The following KIF26B variants were observed in gnomAD, a reference collection of about 807,000 sequenced individuals.
KIF26B encodes the protein kinesin family member 26B.
A neutral mutation model predicts 151.2 loss-of-function variants in KIF26B; 63 were observed. The observed-to-expected ratio is 0.42, with a 90% confidence interval of 0.34 to 0.51. The LOEUF (loss-of-function observed/expected upper bound fraction) is 0.51, where lower values mean the gene tolerates loss of function less well. KIF26B is among the 20% of genes least tolerant of loss of function. The pLI, the probability that KIF26B is intolerant of heterozygous loss-of-function variation, is 0.07. For synonymous variants in KIF26B, 1,357 were observed against 1,262.1 expected, an observed-to-expected ratio of 1.08 and a Z score of -1.59; for missense variants, 2,813 against 2,913.6, an observed-to-expected ratio of 0.97 and a Z score of 0.79.
At chr1:245,387,819 T>C (rs564870880) in intron 3 of KIF26B, among the ~76,000 whole-genome samples, 53 of 152,268 alleles carry the variant, frequency 3.5e-4, no homozygotes, top group African/African-American at 9.9e-4. Context: ...TGTAGACTCA[T>C]GGAGTTTGGG....
intron 4 of KIF26B, among the ~76,000 whole-genome samples, chr1:245,435,207 T>C (rs1255735320): frequency 6.6e-6 from 1 of 151,976 alleles, no homozygotes; most frequent in East Asian, 1.9e-4. Context: ...TTTGGTAAGC[T>C]CATGCTGTAT....
chr1:245,631,398 C>G (rs969109152), intron 9 of KIF26B, among the ~76,000 whole-genome samples: 1 of 151,854 alleles, frequency 6.6e-6, no homozygotes, highest in African/African-American at 2.4e-5. Flanking sequence ...TTGTTTTAGT[C>G]TCTCATATGT....
chr1:245,556,325 C>G (rs1662032751), intron 5 of KIF26B, among the ~76,000 whole-genome samples: 2 of 118,206 alleles, frequency 1.7e-5, no homozygotes, highest in Admixed American at 1.6e-4. Context: ...TCTTCTTCTT[C>G]CTCCTTCTTC....
In KIF26B at chr1:245,579,312, G is replaced by GA. The variant is rs944212443; in HGVS notation, c.1351-23256dup. 4.4e-4 allele frequency among the ~76,000 whole-genome samples: 67 copies of GA among 150,672 alleles called. 1 individual carries two copies. The highest frequency in any genetic ancestry group is 9.7e-4 in the East Asian group (5 of 5,146). ...TATCCCTACAGTTGAAATTTTCTAG[G>GA]AAAAAAAAATAGCAACAAATTAAGT... On this transcript the variant is annotated intron_variant, in intron 5 of 14. Coordinates refer to ENST00000407071, the MANE Select transcript of KIF26B (RefSeq NM_018012.4).
intron 4 of KIF26B, among the ~76,000 whole-genome samples, chr1:245,513,147 C>A (rs1308352945): frequency 6.6e-6 from 1 of 151,532 alleles, no homozygotes; most frequent in Non-Finnish European, 1.5e-5. Context: ...CTCCTCCACA[C>A]CCTCCTCCAC....
intron 4 of KIF26B, among the ~76,000 whole-genome samples, chr1:245,507,280 G>A (rs990112267): frequency 6.6e-6 from 1 of 152,170 alleles, no homozygotes; most frequent in South Asian, 2.1e-4. Context: ...CACTCAGGTG[G>A]AGCTGGGCAT....
intron 3 of KIF26B, among the ~76,000 whole-genome samples, chr1:245,394,684 C>CTTTTTTTTTTTTTTTTT (rs1444711983): frequency 1.6e-5 from 2 of 124,400 alleles, no homozygotes; most frequent in Non-Finnish European, 1.5e-5. Flanking sequence ...AAGTTTTTTT[C>CTTTTTTTTTTTTTTTTT]TTTCTTTTTT....
intron 3 of KIF26B, among the ~76,000 whole-genome samples, chr1:245,404,040 C>A (rs1359740016): frequency 6.6e-6 from 1 of 152,154 alleles, no homozygotes; most frequent in South Asian, 2.1e-4. Context: ...CATTGCCCTA[C>A]ACACATGGAA....
chr1:245,364,188 A>G (rs1481988852), intron 2 of KIF26B, among the ~76,000 whole-genome samples: 1 of 152,202 alleles, frequency 6.6e-6, no homozygotes, highest in Non-Finnish European at 1.5e-5. Context: ...CGCTTGTTAA[A>G]TGTCAGCAGC....
At chr1:245,659,655 C>A (rs1246964343) in intron 10 of KIF26B, among the ~76,000 whole-genome samples, 1 of 152,030 alleles carries the variant, frequency 6.6e-6, no homozygotes, top group Non-Finnish European at 1.5e-5. Flanking sequence ...ACCAGTAGGA[C>A]AGAGGAAAAA....
chr1:245,195,745 G>T (rs1669180993), intron 2 of KIF26B, among the ~76,000 whole-genome samples: 1 of 152,182 alleles, frequency 6.6e-6, no homozygotes, highest in African/African-American at 2.4e-5. Flanking sequence ...TCCTCTTAAA[G>T]AGTTTACCAT....
chr1:245,478,402 G>A (rs1489379356), intron 4 of KIF26B, among the ~76,000 whole-genome samples: 1 of 148,710 alleles, frequency 6.7e-6, no homozygotes, highest in Non-Finnish European at 1.5e-5. Context: ...GGGAACCATC[G>A]CAGTGTTTTC....
chr1:245,465,929 A>G (rs1659779541), intron 4 of KIF26B, among the ~76,000 whole-genome samples: 1 of 152,198 alleles, frequency 6.6e-6, no homozygotes, highest in Admixed American at 6.5e-5. Context: ...AGCCAGAAGG[A>G]AGCCTGTCGA....
rs370389334 is a variant in KIF26B at position 245,685,425 on chromosome 1, C to T, written c.2442C>T (p.Gly814=). 1.1e-5 allele frequency: 18 copies of T among 1,612,084 alleles called. No homozygotes were observed. The highest frequency in any genetic ancestry group is 5.5e-5 in the South Asian group (5 of 90,822). Residue 814 remains glycine, a synonymous_variant, in exon 12 of 15, where the codon GGC becomes GGT. Coordinates refer to ENST00000407071, the MANE Select transcript of KIF26B (RefSeq NM_018012.4). ...CACAGTACACATCCAGCTCGTCCGG[C>T]GGGGAGAGCTCCTGCGAAGAAGGCC... ...KKTKYTSSSS[G]GESSCEEGRM...
chr1:245,587,346 T>G (rs1433838915), intron 5 of KIF26B, among the ~76,000 whole-genome samples: 1 of 152,196 alleles, frequency 6.6e-6, no homozygotes. Flanking sequence ...GTAAGCCCCT[T>G]GAAGACAGCA....
intron 2 of KIF26B, among the ~76,000 whole-genome samples, chr1:245,176,732 G>A (rs1488462933): frequency 6.6e-6 from 1 of 152,202 alleles, no homozygotes; most frequent in African/African-American, 2.4e-5. Flanking sequence ...CTCACAGGAT[G>A]GGCTAGCAGG....
chr1:245,694,908 G>A (rs888784194), intron 12 of KIF26B, among the ~76,000 whole-genome samples: 7 of 152,228 alleles, frequency 4.6e-5, no homozygotes, highest in Non-Finnish European at 8.8e-5. Context: ...TGAGCAGGGA[G>A]GGGTTGAAAA....
chr1:245,185,481 G>A (rs928529578), intron 2 of KIF26B, among the ~76,000 whole-genome samples: 1 of 152,134 alleles, frequency 6.6e-6, no homozygotes, highest in Admixed American at 6.5e-5. Flanking sequence ...AGTTGTGTTG[G>A]GACTAAGTGG....
chr1:245,180,016 A>G (rs1343011358), intron 2 of KIF26B, among the ~76,000 whole-genome samples: 1 of 152,180 alleles, frequency 6.6e-6, no homozygotes, highest in Non-Finnish European at 1.5e-5. Context: ...CTGATGAAGA[A>G]CTGTAAGAGG....
Sources: allele counts gnomAD v4.1 joint callset (sites outside exome capture counted in the v4.1 genomes callset), GRCh38; gene constraint gnomAD v4.1.1; transcripts MANE v1.5; gene names NCBI Gene and HGNC (gene_info 2026-07-23, HGNC 2026-07-21).